Variants in ANK3 observed in about 807,000 individuals in gnomAD.
ANK3 encodes the protein ankyrin 3, also known as ankyrin-3.
A neutral mutation model predicts 370.9 loss-of-function variants in ANK3; 57 were observed. That is an observed-to-expected ratio of 0.15 (90% CI 0.12 to 0.19). ANK3 has a LOEUF of 0.19. Among genes scored for constraint, ANK3 ranks in the 10% least tolerant of loss-of-function variants. The probability of loss-of-function intolerance (pLI) is 1.00; values close to 1 mark genes in which losing one functional copy is unlikely to be tolerated. For synonymous variants in ANK3, 1,929 were observed against 1,946.3 expected (o/e 0.99, Z 0.23); for missense variants, 4,439 against 5,302.1 (o/e 0.84, Z 5.06).
chr10:60,040,277 C>T (rs1196880821), intron 43 of ANK3, among the ~76,000 whole-genome samples: 1 of 151,638 alleles, frequency 6.6e-6, no homozygotes, highest in Non-Finnish European at 1.5e-5. Context: ...CAGCATTCTA[C>T]TTGCTTAGTT....
intron 1 of ANK3, among the ~76,000 whole-genome samples, chr10:60,323,585 G>A (rs561315149): frequency 5.2e-4 from 79 of 152,220 alleles, no homozygotes; most frequent in African/African-American, 1.8e-3. Context: ...GTCTCCAATG[G>A]AAATATAAAT....
At chr10:60,552,942 C>T (rs2133235229) in intron 2 of ANK3, among the ~76,000 whole-genome samples, 1 of 152,270 alleles carries the variant, frequency 6.6e-6, no homozygotes, top group East Asian at 1.9e-4. Context: ...TTGCCTGCTG[C>T]CATCCATGTA....
intron 2 of ANK3, among the ~76,000 whole-genome samples, chr10:60,477,216 G>C (rs1373798440): frequency 1.3e-5 from 2 of 151,814 alleles, no homozygotes; most frequent in Non-Finnish European, 2.9e-5. Flanking sequence ...GATAATTATG[G>C]GATTTAATTT....
At chr10:60,612,674 G>T (rs1288457875) in intron 2 of ANK3, among the ~76,000 whole-genome samples, 1 of 152,050 alleles carries the variant, frequency 6.6e-6, no homozygotes, top group Non-Finnish European at 1.5e-5. Flanking sequence ...TGTATTTTTA[G>T]TAGAGATGGG....
At position 60,240,605 on chromosome 10, in the gene ANK3, AT is replaced by A. The variant is rs200365827; in HGVS notation, c.799-5820del. On this transcript the variant is annotated intron_variant, in intron 7 of 43. Transcript: ENST00000280772. ...AGGGGTGAGCCACCACACCCAGTCAATTTTTTTTGAGACGGTCTTGCTGTTG... is the reference window on the plus strand; with the variant it reads ...AGGGGTGAGCCACCACACCCAGTCAATTTTTTTGAGACGGTCTTGCTGTTG... Among the ~76,000 whole-genome samples, 941 of 148,290 alleles carry A rather than the reference AT, an allele frequency of 6.3e-3. 9 individuals carry two copies. Among genetic ancestry groups the A allele is most frequent in the African/African-American group, 0.022 (899 of 40,144 alleles).
intron 38 of ANK3, among the ~76,000 whole-genome samples, chr10:60,066,821 G>A (rs191167968): frequency 3.3e-5 from 5 of 152,210 alleles, no homozygotes; most frequent in African/African-American, 7.2e-5. Context: ...AAATTTCTCA[G>A]ATTCATGTGA....
chr10:60,197,228 T>G (rs2096600259), intron 14 of ANK3, among the ~76,000 whole-genome samples: 2 of 152,224 alleles, frequency 1.3e-5, no homozygotes, highest in Admixed American at 1.3e-4. Context: ...GACATGGTTT[T>G]AGAATGACGA....
intron 2 of ANK3, among the ~76,000 whole-genome samples, chr10:60,592,562 C>A (rs1211263581): frequency 6.6e-6 from 1 of 152,126 alleles, no homozygotes; most frequent in Non-Finnish European, 1.5e-5. Context: ...GAGTTCGAGA[C>A]CAGCCTGGCC....
chr10:60,689,461 G>A (rs183641844), intron 1 of ANK3, among the ~76,000 whole-genome samples: 24 of 152,170 alleles, frequency 1.6e-4, no homozygotes, highest in Admixed American at 1.5e-3. Context: ...AGTTAAAAAT[G>A]AATGAACTGG....
intron 1 of ANK3, among the ~76,000 whole-genome samples, chr10:60,307,830 A>T (rs150488626): frequency 1.3e-3 from 196 of 152,090 alleles, no homozygotes; most frequent in African/African-American, 4.6e-3. Context: ...CTCTCTAGCC[A>T]CTCTTTGTGT....
chr10:60,469,065 GTATATATA>G (rs36231232), intron 2 of ANK3, among the ~76,000 whole-genome samples: 14,259 of 24,014 alleles, frequency 0.59, 5,325 homozygotes, highest in Middle Eastern at 0.7. Context: ...ACCACTTTTA[GTATATATA>G]TATATATATA....
chr10:60,156,456 C>T (rs568441616), intron 23 of ANK3, among the ~76,000 whole-genome samples: 2 of 152,224 alleles, frequency 1.3e-5, no homozygotes, highest in Admixed American at 1.3e-4. Context: ...TGACTACAGC[C>T]GTGGGGTGAG....
intron 42 of ANK3, 168 bp from the exon 43 acceptor site, chr10:60,042,927 GC>G: frequency 7.1e-7 from 1 of 1,418,414 alleles, no homozygotes; most frequent in East Asian, 2.6e-5. Flanking sequence ...ACACAGTTTA[GC>G]ATCATCAAGC....
chr10:60,549,761 T>G (rs2077048626), intron 2 of ANK3, among the ~76,000 whole-genome samples: 1 of 152,124 alleles, frequency 6.6e-6, no homozygotes, highest in Non-Finnish European at 1.5e-5. Flanking sequence ...GAAATATAAA[T>G]GAAAGAGGAG....
chr10:60,160,113 A>T (rs764058124), intron 23 of ANK3, among the ~76,000 whole-genome samples: 11 of 152,006 alleles, frequency 7.2e-5, no homozygotes, highest in Admixed American at 1.3e-4. Context: ...ACAAAAGATC[A>T]ACAAGACAAA....
chr10:60,265,893 T>C (rs1165946169), intron 5 of ANK3, among the ~76,000 whole-genome samples: 2 of 152,162 alleles, frequency 1.3e-5, no homozygotes, highest in Non-Finnish European at 2.9e-5. Flanking sequence ...GTGTCTGTAC[T>C]GATTATGCAC....
intron 2 of ANK3, among the ~76,000 whole-genome samples, chr10:60,428,339 G>T (rs1397240545): frequency 6.6e-6 from 1 of 152,092 alleles, no homozygotes; most frequent in Non-Finnish European, 1.5e-5. Flanking sequence ...TTTGAAAGAC[G>T]GTTAGCTTCT....
chr10:60,119,465 T>C (rs886715984), intron 25 of ANK3, among the ~76,000 whole-genome samples: 2 of 152,220 alleles, frequency 1.3e-5, no homozygotes, highest in African/African-American at 4.8e-5. Flanking sequence ...CAAATACACA[T>C]TTAAAATGAT....
At chr10:60,091,754 C>T (rs770278182) in intron 28 of ANK3, among the ~76,000 whole-genome samples, 1 of 145,908 alleles carries the variant, frequency 6.9e-6, no homozygotes, top group Non-Finnish European at 1.5e-5. Flanking sequence ...TTTTTTGAGA[C>T]GGAGTCTCGC....
Sources: allele counts gnomAD v4.1 joint callset (sites outside exome capture counted in the v4.1 genomes callset), GRCh38; gene constraint gnomAD v4.1.1; transcripts MANE v1.5; gene names NCBI Gene and HGNC (gene_info 2026-07-23, HGNC 2026-07-21).